Variants in RGS12 observed in about 807,000 individuals in gnomAD.
The protein encoded by RGS12 is regulator of G protein signaling 12, also known as regulator of G-protein signaling 12.
A neutral mutation model predicts 120.1 loss-of-function variants in RGS12; 66 were observed. That is an observed-to-expected ratio of 0.55 (90% confidence interval 0.45 to 0.67). RGS12 has a LOEUF of 0.67. Among genes scored for constraint, RGS12 ranks in the 30% least tolerant of loss-of-function variants. RGS12 has a pLI of 0.00. For missense variants in RGS12, 1,859 were observed against 1,957.7 expected, an observed-to-expected ratio of 0.95 and a Z score of 0.95; for synonymous variants, 827 against 804.7, an observed-to-expected ratio of 1.03 and a Z score of -0.47.
In RGS12 at chr4:3,414,221, G is replaced by T; in HGVS notation, c.2170G>T (p.Val724Phe). ...CTTTGAGCGCCTGCTGCAGGACCCC[G>T]TCGGTGTCCGCTACTTCTCTGTGAG... is the stretch of plus-strand genomic sequence containing the variant. The part of the protein sequence containing the change: ...VSFERLLQDP[V>F]GVRYFSDFLR... Residue 724 changes from valine (V) to phenylalanine (F), a missense_variant, in exon 5 of 18, where the codon GTC becomes TTC. Transcript: ENST00000336727. 1 of 1,544,620 alleles carries T rather than the reference G, an allele frequency of 6.5e-7. No homozygotes were observed.
At chr4:3,290,547 T>C (rs1018212028), upstream of RGS12, among the ~76,000 whole-genome samples, 4 of 152,380 alleles carry the variant, frequency 2.6e-5, no homozygotes, top group East Asian at 5.8e-4. Context: ...TGTTGGAATG[T>C]GGGGGGACGC....
chr4:3,308,925 G>A (rs944844603), intron 1 of RGS12, among the ~76,000 whole-genome samples: 1 of 152,246 alleles, frequency 6.6e-6, no homozygotes, highest in Non-Finnish European at 1.5e-5. Flanking sequence ...TTATGTTGCA[G>A]CCTGAGCCTG....
intron 4 of RGS12, among the ~76,000 whole-genome samples, chr4:3,408,834 C>T (rs1358074733): frequency 1.3e-5 from 2 of 152,198 alleles, no homozygotes; most frequent in Non-Finnish European, 1.5e-5. Flanking sequence ...GAGGCCCCCG[C>T]TTGCTGTGGC....
intron 1 of RGS12, among the ~76,000 whole-genome samples, chr4:3,302,683 G>A (rs2110360666): frequency 6.6e-6 from 1 of 152,328 alleles, no homozygotes; most frequent in South Asian, 2.1e-4. Flanking sequence ...GAGAAGGGAG[G>A]CGCCCCAGGA....
In RGS12 at chr4:3,316,732, A is replaced by G; in HGVS notation, c.562A>G (p.Asn188Asp). The change falls in exon 2 of 18, where the codon AAT becomes GAT. Residue 188 changes from asparagine to aspartate, a missense_variant. Coordinates refer to ENST00000336727, the MANE Select transcript of RGS12 (RefSeq NM_001394154.1). ...TGATGTTGGACATGAAAGTATAAAT[A>G]ATCCAAATCCCAACATGCTTTCTAA... ...RFDVGHESIN[N>D]PNPNMLSKEE... 1.2e-6 allele frequency: 2 copies of G among 1,614,228 alleles called. No homozygotes were observed. Among genetic ancestry groups the G allele is most frequent in the Admixed American group, 3.3e-5 (2 of 60,028 alleles).
intron 9 of RGS12, among the ~76,000 whole-genome samples, chr4:3,419,686 G>A (rs1463487436): frequency 6.6e-6 from 1 of 151,892 alleles, no homozygotes; most frequent in East Asian, 1.9e-4. Context: ...CAAGTGTGGT[G>A]GCGCACCTGT....
In RGS12 at chr4:3,317,714, TGAG is replaced by T. The variant is rs1381435884; in HGVS notation, c.1548_1550del (p.Arg516del). 6.2e-7 allele frequency: 1 copy of T among 1,613,302 alleles called. No individual in the cohort carries two copies. The highest frequency in any genetic ancestry group is 8.5e-7 in the Non-Finnish European group (1 of 1,179,858). On this transcript the variant is annotated inframe_deletion, in exon 2 of 18. Coordinates refer to ENST00000336727, the MANE Select transcript of RGS12 (RefSeq NM_001394154.1). ...CCTGTGGAGGTGCCCCCAGCTTCCT[TGAG>T]GAGCTCAGTCCCCCCTTCCAAGAGG...
chr4:3,387,600 T>G (rs1718989847), intron 4 of RGS12, among the ~76,000 whole-genome samples: 1 of 152,268 alleles, frequency 6.6e-6, no homozygotes, highest in African/African-American at 2.4e-5. Flanking sequence ...AGGAATTCTA[T>G]TTCCTATTTT....
At chr4:3,351,284 T>C (rs961310371) in intron 3 of RGS12, among the ~76,000 whole-genome samples, 1 of 152,204 alleles carries the variant, frequency 6.6e-6, no homozygotes, top group East Asian at 1.9e-4. Flanking sequence ...TTCTGGCTCT[T>C]AAGTGTCAGA....
chr4:3,402,337 T>A (rs980256619), intron 4 of RGS12, among the ~76,000 whole-genome samples: 1 of 152,180 alleles, frequency 6.6e-6, no homozygotes, highest in African/African-American at 2.4e-5. Context: ...TGTCTTGTGT[T>A]ACCTCTTTTT....
intron 2 of RGS12, among the ~76,000 whole-genome samples, chr4:3,328,943 C>A (rs372559320): frequency 6.6e-6 from 1 of 152,168 alleles, no homozygotes; most frequent in South Asian, 2.1e-4. Context: ...GACTTTTCCT[C>A]CCCCTTGTCT....
rs781104690 is a variant in RGS12 at position 3,325,832 on chromosome 4, C to T, written c.1881+7781C>T. ...CAAGCAGCACATCAAAAAGATAATACGCTATGATGTGTTATGTGCCAGGGA... is the reference window on the plus strand; with the variant it reads ...CAAGCAGCACATCAAAAAGATAATATGCTATGATGTGTTATGTGCCAGGGA... On this transcript the variant is annotated intron_variant, in intron 2 of 17. Coordinates refer to ENST00000336727, the MANE Select transcript of RGS12 (RefSeq NM_001394154.1). 7.2e-5 allele frequency among the ~76,000 whole-genome samples: 11 copies of T among 152,212 alleles called. No homozygotes were observed. The South Asian group carries it at 1.5e-3, about 20-fold the overall frequency.
rs778934776 is a variant in RGS12, at chr4:3,316,662, G to A, written c.492G>A (p.Leu164=). 6.2e-6 allele frequency: 10 copies of A among 1,614,016 alleles called. No homozygotes were observed. ...PSLCASNSEP[L]KLKQRSLSES... is the part of the protein sequence containing the mutation. ...TTTGTGCGAGCAATTCAGAGCCCTT[G>A]AAATTGAAACAAAGATCCCTTTCAG... is the stretch of plus-strand genomic sequence containing the variant. Residue 164 remains leucine, a synonymous_variant, in exon 2 of 18, where the codon TTG becomes TTA. Coordinates refer to ENST00000336727, the MANE Select transcript of RGS12 (RefSeq NM_001394154.1).
intron 2 of RGS12, among the ~76,000 whole-genome samples, chr4:3,340,282 G>A (rs371779263): frequency 2.6e-5 from 4 of 152,232 alleles, no homozygotes; most frequent in African/African-American, 4.8e-5. Context: ...AGCGAAGGGC[G>A]CTGCTGCTGT....
intron 2 of RGS12, among the ~76,000 whole-genome samples, chr4:3,333,257 C>G (rs60721015): frequency 0.038 from 5,825 of 152,108 alleles, 293 homozygotes; most frequent in African/African-American, 0.12. Flanking sequence ...CACCGTGTTA[C>G]CCAGGATGGT....
chr4:3,368,113 C>T (rs777199625), intron 3 of RGS12, among the ~76,000 whole-genome samples: 1 of 152,318 alleles, frequency 6.6e-6, no homozygotes, highest in Middle Eastern at 3.4e-3. Context: ...TGGCTGTTCC[C>T]AGGGTCTGGG....
chr4:3,376,393 C>G (rs1277413597), intron 3 of RGS12, among the ~76,000 whole-genome samples: 1 of 152,178 alleles, frequency 6.6e-6, no homozygotes, highest in Admixed American at 6.5e-5. Flanking sequence ...CACGTGGGAG[C>G]TGGGCTGCAG....
At chr4:3,360,557 G>A (rs1482199342) in intron 3 of RGS12, among the ~76,000 whole-genome samples, 1 of 151,866 alleles carries the variant, frequency 6.6e-6, no homozygotes, top group Non-Finnish European at 1.5e-5. Flanking sequence ...ATACGTTTTG[G>A]TATGTTGTAT....
At chr4:3,323,325 C>G (rs1725329329) in intron 2 of RGS12, among the ~76,000 whole-genome samples, 1 of 152,276 alleles carries the variant, frequency 6.6e-6, no homozygotes, top group South Asian at 2.1e-4. Context: ...GGTACAATCA[C>G]AGACACAATG....
Sources: allele counts gnomAD v4.1 joint callset (sites outside exome capture counted in the v4.1 genomes callset), GRCh38; gene constraint gnomAD v4.1.1; transcripts MANE v1.5; gene names NCBI Gene and HGNC (gene_info 2026-07-23, HGNC 2026-07-21).